Variants in OPCML observed in about 807,000 individuals in gnomAD.
OPCML encodes opioid binding protein/cell adhesion molecule like.
OPCML carries 13 observed loss-of-function variants against 37.8 expected under a neutral mutation model. That is an observed-to-expected ratio of 0.34 (90% CI 0.22 to 0.55). OPCML has a LOEUF of 0.55. Among genes scored for constraint, OPCML ranks in the 20% least tolerant of loss-of-function variants. The pLI is 0.91. For synonymous variants in OPCML, 176 were observed against 168.8 expected, an observed-to-expected ratio of 1.04 and a Z score of -0.33; for missense variants, 341 against 435.6, an observed-to-expected ratio of 0.78 and a Z score of 1.93.
intron 1 of OPCML, among the ~76,000 whole-genome samples, chr11:132,980,771 G>A (rs780941404): frequency 1.5e-4 from 23 of 152,162 alleles, no homozygotes; most frequent in Non-Finnish European, 3.1e-4. Flanking sequence ...CTAGAACAAC[G>A]GGCCCAAGGG....
chr11:132,816,512 T>G (rs1026819554), intron 2 of OPCML, among the ~76,000 whole-genome samples: 5 of 152,186 alleles, frequency 3.3e-5, no homozygotes, highest in African/African-American at 1.2e-4. Context: ...ACAAAAACAT[T>G]CTTATTTTAT....
At chr11:132,771,952 G>A (rs1946652163) in intron 2 of OPCML, 1 of 152,256 alleles carries the variant, frequency 6.6e-6, no homozygotes, top group South Asian at 2.1e-4. Flanking sequence ...GGATGTTAGA[G>A]CAGCTCAGGA....
chr11:133,502,149 G>A (rs61912410), intron 1 of OPCML, among the ~76,000 whole-genome samples: 9,015 of 152,242 alleles, frequency 0.059, 369 homozygotes, highest in Non-Finnish European at 0.09. Flanking sequence ...ACTTTGCCCC[G>A]AGAGACCTGG....
intron 1 of OPCML, chr11:133,005,949 G>T (rs546696096): frequency 2.0e-5 from 20 of 985,304 alleles, no homozygotes; most frequent in Non-Finnish European, 2.3e-5. Context: ...ATGGATGTGT[G>T]CAGCTTCCAG....
chr11:132,669,315 G>A (rs1942357111), intron 2 of OPCML, among the ~76,000 whole-genome samples: 1 of 152,078 alleles, frequency 6.6e-6, no homozygotes, highest in Non-Finnish European at 1.5e-5. Context: ...ATGGGAATCA[G>A]ATCACAGGTG....
At chr11:132,984,130 C>T (rs1404690165) in intron 1 of OPCML, among the ~76,000 whole-genome samples, 1 of 152,144 alleles carries the variant, frequency 6.6e-6, no homozygotes, top group Non-Finnish European at 1.5e-5. Flanking sequence ...TTTCCCAAGG[C>T]CAGAAAGCTT....
At chr11:132,534,465 T>C (rs2096334858) in intron 3 of OPCML, among the ~76,000 whole-genome samples, 2 of 152,304 alleles carry the variant, frequency 1.3e-5, no homozygotes, top group African/African-American at 4.8e-5. Context: ...TGTATACTGT[T>C]TTACTCAAAC....
rs1949220265 is a variant in OPCML at position 133,109,603 on chromosome 11, C to G, written c.62-166593G>C. Among the ~76,000 whole-genome samples, 3 of 152,304 alleles carry G rather than the reference C, an allele frequency of 2.0e-5. No homozygotes were observed. The South Asian group carries it at 6.2e-4, about 32-fold the overall frequency. ...ACTGATAGGTGCATTTTACAATCCT[C>G]TTGTAAGAAAAGTTCTCCAAGTTCC... On this transcript the variant is annotated intron_variant, in intron 1 of 7. Coordinates refer to ENST00000524381, the MANE Select transcript of OPCML (RefSeq NM_001012393.5).
chr11:133,003,177 A>G (rs1379266184), intron 1 of OPCML, among the ~76,000 whole-genome samples: 1 of 152,242 alleles, frequency 6.6e-6, no homozygotes, highest in Non-Finnish European at 1.5e-5. Context: ...TGTGGCTGCT[A>G]TAACAAATTT....
chr11:133,267,820 T>C (rs919854423), intron 1 of OPCML, among the ~76,000 whole-genome samples: 2 of 152,178 alleles, frequency 1.3e-5, no homozygotes, highest in Admixed American at 6.5e-5. Flanking sequence ...GCAGTTCTCC[T>C]GCACACGCTC....
intron 1 of OPCML, among the ~76,000 whole-genome samples, chr11:133,511,138 C>T (rs910980695): frequency 1.3e-5 from 2 of 152,292 alleles, no homozygotes; most frequent in South Asian, 2.1e-4. Flanking sequence ...TCTGCCATCC[C>T]GGTGGCCCTG....
At chr11:132,940,060 CACTT>C (rs2136664906) in intron 2 of OPCML, among the ~76,000 whole-genome samples, 1 of 152,308 alleles carries the variant, frequency 6.6e-6, no homozygotes, top group African/African-American at 2.4e-5. Context: ...AATATTGCCT[CACTT>C]ACAGAAAACG....
chr11:132,734,941 T>C (rs1451438880), intron 2 of OPCML, among the ~76,000 whole-genome samples: 1 of 152,184 alleles, frequency 6.6e-6, no homozygotes, highest in Non-Finnish European at 1.5e-5. Context: ...ATTGTTATTA[T>C]GTGGGGCAGA....
At chr11:132,701,027 T>C (rs1472381782) in intron 2 of OPCML, among the ~76,000 whole-genome samples, 2 of 152,170 alleles carry the variant, frequency 1.3e-5, no homozygotes, top group East Asian at 3.8e-4. Context: ...CTCTTTATTG[T>C]CATTATATAG....
chr11:133,425,317 T>C (rs755983), intron 1 of OPCML, among the ~76,000 whole-genome samples: 56,395 of 152,050 alleles, frequency 0.37, 13,892 homozygotes, highest in African/African-American at 0.7. Flanking sequence ...TCTTCCTTAT[T>C]ACAGGAAGCA....
chr11:133,481,733 G>GA (rs1324318944), intron 1 of OPCML, among the ~76,000 whole-genome samples: 5 of 151,822 alleles, frequency 3.3e-5, no homozygotes, highest in Admixed American at 1.3e-4. Flanking sequence ...AGATGAGACA[G>GA]AAAAAAAGGG....
chr11:132,838,196 C>T (rs1941124815), intron 2 of OPCML, among the ~76,000 whole-genome samples: 1 of 152,166 alleles, frequency 6.6e-6, no homozygotes, highest in Non-Finnish European at 1.5e-5. Flanking sequence ...TTAAAGCCTA[C>T]TGTGGGCCAG....
At chr11:132,807,459 T>TA (rs1204385052) in intron 2 of OPCML, among the ~76,000 whole-genome samples, 2 of 152,182 alleles carry the variant, frequency 1.3e-5, no homozygotes, top group Non-Finnish European at 2.9e-5. Flanking sequence ...ATGCATTCTA[T>TA]AAAAAAATCT....
chr11:132,715,779 G>A (rs68136654), intron 2 of OPCML, among the ~76,000 whole-genome samples: 6,436 of 152,208 alleles, frequency 0.042, 203 homozygotes, highest in Non-Finnish European at 0.062. Context: ...CCATCTGTCC[G>A]TGGCAGTTCA....
Sources: gnomAD v4.1 joint callset for allele counts (sites outside exome capture counted in the v4.1 genomes callset) on GRCh38, gnomAD v4.1.1 for gene constraint, MANE v1.5 for transcripts, NCBI Gene and HGNC (gene_info 2026-07-23, HGNC 2026-07-21) for gene names.